The following APC2 variants were observed in gnomAD, a reference collection of about 807,000 sequenced individuals.
APC2 encodes the protein APC regulator of Wnt signaling pathway 2.
Under a neutral mutation model 72.5 loss-of-function variants are expected in APC2, and 41 were observed. That is an observed-to-expected ratio of 0.57 (90% CI 0.44 to 0.73). The LOEUF is 0.73. APC2 is among the 30% of genes least tolerant of loss of function. The pLI is 0.00. For missense variants in APC2, 3,729 were observed against 3,403.4 expected (o/e 1.10, Z -2.38); for synonymous variants, 1,898 against 1,612.0 (o/e 1.18, Z -4.25).
intron 4 of APC2, 115 bp downstream of exon 4, chr19:1,453,726 C>A: frequency 1.5e-6 from 2 of 1,343,010 alleles, no homozygotes. Flanking sequence ...TCACACGCCC[C>A]ACCCACTTGC....
Position 1,470,089 on chromosome 19 carries a change from C to A in APC2, c.6788C>A (p.Ser2263Tyr), listed in dbSNP as rs978524455. Residue 2263 changes from serine to tyrosine, a missense_variant, in exon 15 of 15, where the codon TCC becomes TAC. Coordinates refer to ENST00000590469, the MANE Select transcript of APC2 (RefSeq NM_005883.3). ...GGCTTCCCCGCCAGCCGGCACGGCTCCCCCAGCCGCTCGGCCCGAGTACCC... is the reference window on the plus strand; with the variant it reads ...GGCTTCCCCGCCAGCCGGCACGGCTACCCCAGCCGCTCGGCCCGAGTACCC... ...VGGFPASRHG[S>Y]PSRSARVPPF... 1.2e-6 allele frequency: 2 copies of A among 1,603,302 alleles called. No homozygotes were observed. The highest frequency in any genetic ancestry group is 1.7e-5 in the Admixed American group (1 of 59,592).
chr19:1,450,656 G>A (rs967026425), intron 1 of APC2, among the ~76,000 whole-genome samples: 2 of 152,230 alleles, frequency 1.3e-5, no homozygotes, highest in African/African-American at 4.8e-5. Context: ...TGGAAAGAGG[G>A]GGTTTGGATT....
rs2145277804 is a variant in APC2 at position 1,472,672 on chromosome 19, C to T, written c.*2459C>T. On this transcript the variant is annotated 3_prime_UTR_variant, in exon 15 of 15. Transcript: ENST00000590469. ...GGGGGCCACAGCCACACCTCACCGC[C>T]CAGTCCAGCTGTCTCCAGAAGGGGA... 6.6e-6 allele frequency: 1 copy of T among 152,296 alleles called. No individual in the cohort carries two copies. The highest frequency in any genetic ancestry group is 6.5e-5 in the Admixed American group (1 of 15,288). The allele number at this position is 152,296 out of a possible 1,614,324, so 9.4% of individuals were successfully genotyped here. A position where few individuals can be genotyped will look rare whatever the true frequency, so the allele number is the denominator to read the frequency against.
At chr19:1,448,278 A>T (rs1251645313), upstream of APC2, among the ~76,000 whole-genome samples, 2 of 152,116 alleles carry the variant, frequency 1.3e-5, no homozygotes, top group Non-Finnish European at 2.9e-5. Flanking sequence ...TTCACTTCTC[A>T]GGGCAGCCTT....
Position 1,468,969 on chromosome 19 carries a change from C to T in APC2, c.5668C>T (p.Arg1890Cys), listed in dbSNP as rs1181837920. ...SPASQPLPRK[R>C]PPVTQAAGAL... is the part of the protein sequence containing the mutation. ...CGCCTCCCAGCCCCTGCCCAGAAAG[C>T]GCCCCCCGGTCACCCAGGCTGCTGG... Residue 1890 changes from arginine to cysteine, a missense_variant, in exon 15 of 15, where the codon CGC becomes TGC. By Grantham distance (180) the Arg-to-Cys change is radical. Transcript: ENST00000590469. 3 of 1,557,632 alleles carry T rather than the reference C, an allele frequency of 1.9e-6. No homozygotes were observed. The highest frequency in any genetic ancestry group is 1.4e-5 in the African/African-American group (1 of 71,312).
intron 8 of APC2, among the ~76,000 whole-genome samples, 166 bp downstream of exon 8, chr19:1,456,570 G>T (rs1397389814): frequency 6.6e-6 from 1 of 152,156 alleles, no homozygotes; most frequent in Non-Finnish European, 1.5e-5. Context: ...TGCGGGCCTG[G>T]CGAGGTGGAT....
In APC2 at chr19:1,470,426, G is replaced by C. The variant is rs971610046; in HGVS notation, c.*213G>C. ...GTGCCGCGGAGGTCCAGGAGGAAACGGGGCGGCCGCTAGGCCTCAAGTCCC... is the reference window on the plus strand; with the variant it reads ...GTGCCGCGGAGGTCCAGGAGGAAACCGGGCGGCCGCTAGGCCTCAAGTCCC... On this transcript the variant is annotated 3_prime_UTR_variant, in exon 15 of 15. Coordinates refer to ENST00000590469, the MANE Select transcript of APC2 (RefSeq NM_005883.3). 2.4e-5 allele frequency: 17 copies of C among 711,388 alleles called. No homozygotes were observed. The highest frequency in any genetic ancestry group is 2.1e-4 in the African/African-American group (11 of 52,630). 44.1% of individuals were successfully genotyped at this position (711,388 alleles called of 1,614,324 possible).
Position 1,467,835 on chromosome 19 carries a change from A to T in APC2, c.4534A>T (p.Asn1512Tyr). ...TEEAVYCFYGNDSDEEPPAAA... is the reference protein window; with the variant it reads ...TEEAVYCFYGYDSDEEPPAAA... ...GGAGGCCGTGTACTGCTTCTACGGC[A>T]ACGACTCGGACGAGGAGCCCCCGGC... Residue 1512 changes from asparagine to tyrosine, a missense_variant, in exon 15 of 15, where the codon AAC becomes TAC. Physicochemically the swap from Asn to Tyr is moderately radical, Grantham distance 143. Transcript: ENST00000590469. The T allele has an allele frequency of 6.6e-7, 1 of 1,525,102 alleles. No individual in the cohort carries two copies. The highest frequency in any genetic ancestry group is 8.7e-7 in the Non-Finnish European group (1 of 1,143,792). 94.5% of individuals were successfully genotyped at this position (1,525,102 alleles called of 1,614,324 possible). A position where few individuals can be genotyped will look rare whatever the true frequency, so the allele number is the denominator to read the frequency against.
At chr19:1,448,858 G>GA (rs1350821802), upstream of APC2, among the ~76,000 whole-genome samples, 14 of 137,198 alleles carry the variant, frequency 1.0e-4, no homozygotes, top group East Asian at 2.1e-4. Context: ...AAAAAAAAAA[G>GA]AAAAAAAAGA....
intron 9 of APC2, 43 bp from the exon 10 acceptor site, chr19:1,457,922 T>A: frequency 6.9e-7 from 1 of 1,457,502 alleles, no homozygotes; most frequent in South Asian, 1.2e-5. Flanking sequence ...ACCTGGGACA[T>A]TTCCTGGGAA....
rs1205467451 is a variant in APC2 at position 1,471,853 on chromosome 19, C to G, written c.*1640C>G. 1 of 152,522 alleles carries G rather than the reference C, an allele frequency of 6.6e-6. No individual in the cohort carries two copies. Among genetic ancestry groups the G allele is most frequent in the Non-Finnish European group, 1.5e-5 (1 of 68,180 alleles). The allele number at this position is 152,522 out of a possible 1,614,324, so 9.4% of individuals were successfully genotyped here. ...AGGGCCGCTGTGAGCAAAGCTGACC[C>G]CAGCCCCCACCCCCAGTTAACACTG... On this transcript the variant is annotated 3_prime_UTR_variant, in exon 15 of 15. Transcript: ENST00000590469.
At chr19:1,446,278 C>T, upstream of APC2, 1 of 981,822 alleles carries the variant, frequency 1.0e-6, no homozygotes, top group Non-Finnish European at 1.2e-6. The surrounding 1 kb of genome is among the most constrained non-coding windows in gnomAD (Gnocchi z 6.1). Context: ...TCCGGGGCGG[C>T]CGCGGCTCCA....
At position 1,467,444 on chromosome 19, in the gene APC2, C is replaced by A; in HGVS notation, c.4143C>A (p.Ala1381=). ...VPVYMLVPAP[A]PAQEDDSCTD... is the part of the protein sequence containing the mutation. ...TCTACATGTTGGTGCCCGCCCCGGC[C>A]CCGGCCCAGGAGGACGACTCCTGCA... Residue 1381 remains alanine, a synonymous_variant, in exon 15 of 15, where the codon GCC becomes GCA. Coordinates refer to ENST00000590469, the MANE Select transcript of APC2 (RefSeq NM_005883.3). 6.8e-7 allele frequency: 1 copy of A among 1,478,004 alleles called. No individual in the cohort carries two copies. The highest frequency in any genetic ancestry group is 8.9e-7 in the Non-Finnish European group (1 of 1,118,606). The allele number at this position is 1,478,004 out of a possible 1,614,324, so 91.6% of individuals were successfully genotyped here. A position where few individuals can be genotyped will look rare whatever the true frequency, so the allele number is the denominator to read the frequency against.
chr19:1,468,920 C>G lies in APC2; in HGVS notation c.5619C>G (p.Ser1873=). The G allele has an allele frequency of 6.5e-7, 1 of 1,535,920 alleles. No individual in the cohort carries two copies. The highest frequency in any genetic ancestry group is 8.7e-7 in the Non-Finnish European group (1 of 1,148,702). ...TPPARLAKTP[S]SSSSQTSPAS... Reference sequence around the variant, plus strand: ...CCGCCCGCCTCGCCAAGACCCCCTCCTCCAGCTCCTCCCAGACCTCGCCCG... The same window carrying G: ...CCGCCCGCCTCGCCAAGACCCCCTCGTCCAGCTCCTCCCAGACCTCGCCCG... The change falls in exon 15 of 15, where the codon TCC becomes TCG. Residue 1873 remains serine, a synonymous_variant. Transcript: ENST00000590469.
chr19:1,463,807 G>A (rs1044642566), intron 14 of APC2, among the ~76,000 whole-genome samples: 1 of 152,012 alleles, frequency 6.6e-6, no homozygotes. Context: ...TTAAACAATA[G>A]AGAATACTTA....
At chr19:1,455,982 T>C (rs1035963285) in intron 6 of APC2, 94 bp from the exon 7 acceptor site, 4 of 815,688 alleles carry the variant, frequency 4.9e-6, no homozygotes, top group Middle Eastern at 3.5e-4. Context: ...AGAGGCGGGG[T>C]CAGAGCCCAG....
chr19:1,468,645 C>A lies in APC2; in HGVS notation c.5344C>A (p.Pro1782Thr). The change falls in exon 15 of 15, where the codon CCC (proline) becomes ACC (threonine). Residue 1782 changes from proline (P) to threonine (T), a missense_variant. Pro to Thr is a conservative substitution (Grantham distance 38). Coordinates refer to ENST00000590469, the MANE Select transcript of APC2 (RefSeq NM_005883.3). ...GCCACGTGGCACACAGAAGACCACGCCCGGGGTGCCAGCTGTGCTCCGGGG... is the reference window on the plus strand; with the variant it reads ...GCCACGTGGCACACAGAAGACCACGACCGGGGTGCCAGCTGTGCTCCGGGG... ...EKPRGTQKTT[P>T]GVPAVLRGRT... 6.3e-7 allele frequency: 1 copy of A among 1,593,708 alleles called. No homozygotes were observed. Among genetic ancestry groups the A allele is most frequent in the East Asian group, 2.3e-5 (1 of 43,780 alleles).
rs1424518300 is a variant in APC2 at position 1,470,147 on chromosome 19, C to T, written c.6846C>T (p.Val2282=). The T allele has an allele frequency of 2.5e-6, 4 of 1,605,400 alleles. No homozygotes were observed. The highest frequency in any genetic ancestry group is 2.2e-5 in the East Asian group (1 of 44,472). Reference sequence around the variant, plus strand: ...ACTATGTGCCCAGCCCCATGGTGGTCGCAGCCACCACCGACTCGGCCGCGG... The same window carrying T: ...ACTATGTGCCCAGCCCCATGGTGGTTGCAGCCACCACCGACTCGGCCGCGG... ...PFNYVPSPMV[V]AATTDSAAEK... Residue 2282 remains valine (V), a synonymous_variant, in exon 15 of 15, where the codon GTC becomes GTT. Transcript: ENST00000590469.
chr19:1,465,416 C>T lies in APC2; in HGVS notation c.2115C>T (p.Ala705=), dbSNP rs1182465030. ...ATCGGCCCGCCAAGCACCAGGCGGCCGCCACCGCCGTGTCCCCAGGCAGCT... is the reference window on the plus strand; with the variant it reads ...ATCGGCCCGCCAAGCACCAGGCGGCTGCCACCGCCGTGTCCCCAGGCAGCT... The part of the protein sequence containing the change: ...LAHRPAKHQA[A]ATAVSPGSCV... Residue 705 remains alanine (A), a synonymous_variant, in exon 15 of 15, where the codon GCC becomes GCT. Transcript: ENST00000590469. 3.2e-6 allele frequency: 5 copies of T among 1,544,600 alleles called. No homozygotes were observed. In the South Asian group the frequency reaches 4.7e-5, roughly 14 times the overall value.
Sources: gnomAD v4.1 joint callset for allele counts (sites outside exome capture counted in the v4.1 genomes callset) on GRCh38, gnomAD v4.1.1 for gene constraint, Gnocchi (gnomAD v3.1) non-coding constraint, MANE v1.5 for transcripts, NCBI Gene and HGNC (gene_info 2026-07-23, HGNC 2026-07-21) for gene names.